The following TACC2 variants were observed in gnomAD, a reference collection of about 807,000 sequenced individuals.
The protein encoded by TACC2 is transforming acidic coiled-coil containing protein 2, also known as transforming acidic coiled-coil-containing protein 2.
A neutral mutation model predicts 227.3 loss-of-function variants in TACC2; 137 were observed. The ratio of observed to expected loss-of-function variants is 0.60; its 90% CI spans 0.52 to 0.69. The LOEUF (loss-of-function observed/expected upper bound fraction) is 0.69. Ranked by LOEUF, TACC2 falls within the 30% of genes least tolerant of loss-of-function variation. The probability of loss-of-function intolerance (pLI) is 0.00; values close to 1 mark genes in which losing one functional copy is unlikely to be tolerated. For missense variants in TACC2, 3,470 were observed against 3,694.4 expected, an observed-to-expected ratio of 0.94 and a Z score of 1.57; for synonymous variants, 1,523 against 1,487.5, an observed-to-expected ratio of 1.02 and a Z score of -0.55.
At chr10:122,249,393 G>A in intron 21 of TACC2, 151 bp from the exon 22 acceptor site, 4 of 1,113,692 alleles carry the variant, frequency 3.6e-6, no homozygotes, top group East Asian at 5.0e-5. Context: ...ATGGAATTGG[G>A]TTTGGTGTTC....
At chr10:122,143,539 C>A in intron 6 of TACC2, 33 bp from the exon 7 acceptor site, 1 of 1,608,644 alleles carries the variant, frequency 6.2e-7, no homozygotes, top group African/African-American at 1.3e-5. Flanking sequence ...GAGCCCAGCA[C>A]CATGTGGAAT....
chr10:122,067,649 G>T (rs191140363), intron 3 of TACC2, among the ~76,000 whole-genome samples: 1 of 152,044 alleles, frequency 6.6e-6, no homozygotes, highest in African/African-American at 2.4e-5. Context: ...TGGAATTATA[G>T]GCGTATGCCA....
chr10:122,252,931 T>A (rs896172801), intron 22 of TACC2, among the ~76,000 whole-genome samples: 1 of 152,224 alleles, frequency 6.6e-6, no homozygotes, highest in East Asian at 1.9e-4. Context: ...GGGTTCTGTT[T>A]GAGGCAGGCT....
intron 2 of TACC2, among the ~76,000 whole-genome samples, chr10:122,034,670 G>A (rs955578458): frequency 2.2e-4 from 33 of 152,238 alleles, no homozygotes; most frequent in Non-Finnish European, 4.0e-4. Flanking sequence ...AGTGGCTCAC[G>A]CCTGTAATCT....
chr10:122,034,047 G>C (rs530220154), intron 2 of TACC2, among the ~76,000 whole-genome samples: 3 of 151,514 alleles, frequency 2.0e-5, no homozygotes, highest in Non-Finnish European at 4.4e-5. Flanking sequence ...AGTTACTCAG[G>C]AGGCTGAGGC....
chr10:121,991,992 C>G (rs1007482260), intron 1 of TACC2, among the ~76,000 whole-genome samples: 1 of 152,166 alleles, frequency 6.6e-6, no homozygotes, highest in Non-Finnish European at 1.5e-5. Flanking sequence ...GAGACTTATT[C>G]ACTATCATGA....
chr10:122,054,033 A>T (rs1326620663), intron 3 of TACC2, among the ~76,000 whole-genome samples: 1 of 152,210 alleles, frequency 6.6e-6, no homozygotes, highest in Non-Finnish European at 1.5e-5. Flanking sequence ...CACTCTACAG[A>T]TGAGGAAACT....
intron 1 of TACC2, among the ~76,000 whole-genome samples, chr10:121,997,058 G>T (rs1240678507): frequency 6.6e-6 from 1 of 152,086 alleles, no homozygotes; most frequent in Non-Finnish European, 1.5e-5. Flanking sequence ...AGAGCCTGGA[G>T]GTGGGAGTTC....
intron 7 of TACC2, among the ~76,000 whole-genome samples, chr10:122,184,460 A>T (rs1181262852): frequency 6.6e-6 from 1 of 152,152 alleles, no homozygotes; most frequent in African/African-American, 2.4e-5. Flanking sequence ...ACCGGATCCC[A>T]GCTGGGTTCC....
intron 10 of TACC2, 150 bp from the exon 11 acceptor site, chr10:122,216,477 A>T: frequency 1.5e-6 from 1 of 673,766 alleles, no homozygotes; most frequent in Non-Finnish European, 2.5e-6. Flanking sequence ...CTGTTTCCTT[A>T]ATGGACCATT....
chr10:122,041,009 G>T (rs967483145), intron 2 of TACC2, among the ~76,000 whole-genome samples: 8 of 152,160 alleles, frequency 5.3e-5, no homozygotes, highest in Non-Finnish European at 7.4e-5. Context: ...TCTGAATGAG[G>T]TTTGCTGCTG....
rs2075504419 is a variant in TACC2, at chr10:122,050,069, G to A, written c.34-369G>A. 6.6e-6 allele frequency among the ~76,000 whole-genome samples: 1 copy of A among 152,172 alleles called. No individual in the cohort carries two copies. The highest frequency in any genetic ancestry group is 6.5e-5 in the Admixed American group (1 of 15,288). Reference sequence around the variant, plus strand: ...GGGAGGAAAATGTGTTTTCATCTCAGGAGTGCCACAAACAAATTGGACACT... The same window carrying A: ...GGGAGGAAAATGTGTTTTCATCTCAAGAGTGCCACAAACAAATTGGACACT... On this transcript the variant is annotated intron_variant, in intron 2 of 22. Transcript: ENST00000369005. The surrounding 1 kb of genome is among the most constrained non-coding windows in gnomAD (Gnocchi z 4.6).
intron 2 of TACC2, among the ~76,000 whole-genome samples, chr10:122,030,425 TTC>T (rs1421288555): frequency 2.0e-5 from 3 of 152,128 alleles, no homozygotes; most frequent in African/African-American, 7.2e-5. Flanking sequence ...TGATGTCGAC[TTC>T]TCTCACCAGG....
intron 2 of TACC2, among the ~76,000 whole-genome samples, chr10:122,030,117 G>A (rs1488043740): frequency 6.6e-6 from 1 of 151,552 alleles, no homozygotes; most frequent in Non-Finnish European, 1.5e-5. Context: ...TGTCAACAGC[G>A]CTGAGGTTGA....
rs746781383 is a variant in TACC2, at chr10:122,083,563, C to G, written c.1063C>G (p.Leu355Val). The G allele has an allele frequency of 5.6e-6, 9 of 1,613,046 alleles. No homozygotes were observed. The highest frequency in any genetic ancestry group is 5.3e-5 in the African/African-American group (4 of 74,932). The part of the protein sequence containing the change: ...ELPWGLPSPA[L>V]VPEAGGSGKE... ...GCCCTGGGGCTTGCCAAGTCCTGCC[C>G]TGGTGCCAGAGGCTGGGGGCTCTGG... The change falls in exon 4 of 23, where the codon CTG becomes GTG. Residue 355 changes from leucine (L) to valine (V), a missense_variant. Physicochemically the swap from Leu to Val is conservative, Grantham distance 32. This residue lies in a region of TACC2 where 1,924 missense variants were observed against 1,978.3 expected (regional missense o/e 0.97). Coordinates refer to ENST00000369005, the MANE Select transcript of TACC2 (RefSeq NM_206862.4).
chr10:122,162,552 G>T (rs1053828590), intron 7 of TACC2, among the ~76,000 whole-genome samples: 3 of 152,184 alleles, frequency 2.0e-5, no homozygotes, highest in Non-Finnish European at 4.4e-5. Flanking sequence ...TACAGCATGA[G>T]GGGATGGTGG....
intron 19 of TACC2, among the ~76,000 whole-genome samples, chr10:122,243,598 G>T (rs1393254409): frequency 6.6e-6 from 1 of 151,920 alleles, no homozygotes; most frequent in Non-Finnish European, 1.5e-5. Flanking sequence ...AAGAATTTAT[G>T]AACACATATG....
chr10:122,183,545 C>A (rs1181395189), intron 7 of TACC2, among the ~76,000 whole-genome samples: 1 of 152,152 alleles, frequency 6.6e-6, no homozygotes, highest in East Asian at 1.9e-4. Flanking sequence ...ATGTGAGACA[C>A]CCCCTCCTTG....
intron 3 of TACC2, among the ~76,000 whole-genome samples, chr10:122,073,106 C>CAAAA (rs1164376721): frequency 0.03 from 574 of 19,374 alleles, 98 homozygotes; most frequent in Non-Finnish European, 0.038. Context: ...GACTCTGTCT[C>CAAAA]AAAAAAAAAA....
Sources: allele counts gnomAD v4.1 joint callset (sites outside exome capture counted in the v4.1 genomes callset), GRCh38; gene constraint gnomAD v4.1.1; regional missense constraint gnomAD v4.1.1; non-coding constraint Gnocchi (gnomAD v3.1); transcripts MANE v1.5; gene names NCBI Gene and HGNC (gene_info 2026-07-23, HGNC 2026-07-21).